ZFYVE27: variants seen among roughly 807,000 people sequenced by gnomAD.
The protein encoded by ZFYVE27 is zinc finger FYVE-type containing 27, also known as protrudin.
A neutral mutation model predicts 52.8 loss-of-function variants in ZFYVE27; 36 were observed. The ratio of observed to expected loss-of-function variants is 0.68; its 90% CI spans 0.52 to 0.90. ZFYVE27 has a LOEUF of 0.90. Among genes scored for constraint, ZFYVE27 ranks in the 40% least tolerant of loss-of-function variants. The probability of loss-of-function intolerance (pLI) is 0.00; values close to 1 mark genes in which losing one functional copy is unlikely to be tolerated. For missense variants in ZFYVE27, 450 were observed against 527.2 expected, an observed-to-expected ratio of 0.85 and a Z score of 1.43; for synonymous variants, 223 against 215.6, an observed-to-expected ratio of 1.03 and a Z score of -0.30.
chr10:97,737,890 G>A (rs2042537009), intron 1 of ZFYVE27, among the ~76,000 whole-genome samples: 1 of 152,190 alleles, frequency 6.6e-6, no homozygotes, highest in Non-Finnish European at 1.5e-5. Context: ...CCTGGAGCAC[G>A]GTATTTCATT....
In ZFYVE27 at chr10:97,753,196, A is replaced by G. The variant is rs1433172803; in HGVS notation, c.1042+14A>G. The G allele has an allele frequency of 6.2e-7, 1 of 1,608,486 alleles. No homozygotes were observed. Among genetic ancestry groups the G allele is most frequent in the South Asian group, 1.1e-5 (1 of 89,890 alleles). ...CCAACAACTTCGGTGCGGCCAGGGG[A>G]CAGGGCTGGGCTGGTGGGGGAGTGG... On this transcript the variant is annotated intron_variant, in intron 10 of 12. Transcript: ENST00000684270.
At chr10:97,751,280 C>T (rs1266849458) in intron 7 of ZFYVE27, 111 bp from the exon 8 acceptor site, 8 of 1,194,418 alleles carry the variant, frequency 6.7e-6, no homozygotes, top group South Asian at 4.9e-5. Flanking sequence ...TGCCATTGTG[C>T]CATTTCGTGG....
In ZFYVE27 at chr10:97,759,276, G is replaced by C; in HGVS notation, c.1212G>C (p.Ser404=). ...AQRETVFVCA[S]CNQTLSK is the part of the protein sequence containing the mutation. ...GGGAGACTGTGTTTGTGTGTGCCTC[G>C]TGTAACCAGACCTTGAGCAAGTGAG... The change falls in exon 13 of 13, where the codon TCG becomes TCC. Residue 404 remains serine (S), a synonymous_variant. Transcript: ENST00000684270. 1 of 1,614,160 alleles carries C rather than the reference G, an allele frequency of 6.2e-7. No homozygotes were observed. Among genetic ancestry groups the C allele is most frequent in the Non-Finnish European group, 8.5e-7 (1 of 1,180,030 alleles).
At chr10:97,750,212 T>TCTTTCCTGTAGTGAAGGAGGGC in intron 6 of ZFYVE27, 119 bp from the exon 7 acceptor site, 1 of 1,308,652 alleles carries the variant, frequency 7.6e-7, no homozygotes, top group Non-Finnish European at 1.1e-6. Context: ...GTTAGGAGGG[T>TCTTTCCTGTAGTGAAGGAGGGC]GACTCTTTCC....
Position 97,759,794 on chromosome 10 carries a change from G to T in ZFYVE27, c.*494G>T. The T allele has an allele frequency of 5.2e-6, 1 of 194,104 alleles. No homozygotes were observed. The highest frequency in any genetic ancestry group is 1.1e-5 in the Non-Finnish European group (1 of 91,232). The allele number at this position is 194,104 out of a possible 1,614,324, so 12.0% of individuals were successfully genotyped here. A position where few individuals can be genotyped will look rare whatever the true frequency, so the allele number is the denominator to read the frequency against. On this transcript the variant is annotated 3_prime_UTR_variant, in exon 13 of 13. Transcript: ENST00000684270. The stretch of plus-strand genomic sequence containing the variant: ...GTGCCACACCCCATCTCTGCTGATT[G>T]AATGTCCCTCCAGGCACCAGGATCT...
intron 2 of ZFYVE27, among the ~76,000 whole-genome samples, chr10:97,742,734 A>G (rs954408679): frequency 6.6e-6 from 1 of 152,242 alleles, no homozygotes; most frequent in Non-Finnish European, 1.5e-5. Context: ...TTATAAAAAA[A>G]GAATAGAGGA....
chr10:97,756,595 C>G (rs2048392824), intron 10 of ZFYVE27, among the ~76,000 whole-genome samples: 1 of 152,208 alleles, frequency 6.6e-6, no homozygotes, highest in Non-Finnish European at 1.5e-5. Context: ...ATTTTCTAAG[C>G]TGCCGTTGCC....
Position 97,757,715 on chromosome 10 carries a change from G to A in ZFYVE27, c.1163G>A (p.Gly388Glu). ...CSFKVPKSSM[G>E]ATAPEAQRET... ...TTCAAGGTGCCCAAGTCCTCCATGG[G>A]GGCCACAGGTGAGTGGTGCAGGTGG... is the stretch of plus-strand genomic sequence containing the variant. Residue 388 changes from glycine (G) to glutamate (E), a missense_variant, in exon 12 of 13, where the codon GGG (glycine) becomes GAG (glutamate). Physicochemically the swap from Gly to Glu is moderately conservative, Grantham distance 98. Coordinates refer to ENST00000684270, the MANE Select transcript of ZFYVE27 (RefSeq NM_001385875.1). 1 of 1,614,220 alleles carries A rather than the reference G, an allele frequency of 6.2e-7. No homozygotes were observed. The highest frequency in any genetic ancestry group is 8.5e-7 in the Non-Finnish European group (1 of 1,180,028).
At chr10:97,738,767 T>C in intron 2 of ZFYVE27, 93 bp downstream of exon 2, 1 of 1,435,444 alleles carries the variant, frequency 7.0e-7, no homozygotes, top group Non-Finnish European at 9.8e-7. Flanking sequence ...GTGGCTGGGC[T>C]GTCCTTTCTG....
intron 4 of ZFYVE27, among the ~76,000 whole-genome samples, chr10:97,747,968 A>G (rs2045924735): frequency 1.3e-5 from 2 of 152,182 alleles, no homozygotes; most frequent in African/African-American, 4.8e-5. Flanking sequence ...TTATAGATAA[A>G]GAAGCCACAG....
intron 10 of ZFYVE27, among the ~76,000 whole-genome samples, chr10:97,755,666 A>G (rs1236424544): frequency 6.6e-6 from 1 of 152,116 alleles, no homozygotes. Flanking sequence ...GGTGGGGGCT[A>G]TTCTATTTAC....
At chr10:97,754,606 C>A in intron 10 of ZFYVE27, 1 of 1,264,894 alleles carries the variant, frequency 7.9e-7, no homozygotes, top group South Asian at 1.3e-5. Context: ...TGAGCCACCA[C>A]GCCCGGCCCC....
In ZFYVE27 at chr10:97,757,265, G is replaced by C. The variant is rs759302342; in HGVS notation, c.1043G>C (p.Gly348Ala). Residue 348 changes from glycine to alanine, a missense_variant and splice_region_variant, in exon 11 of 13, where the codon GGG (glycine) becomes GCG (alanine). Physicochemically the swap from Gly to Ala is moderately conservative, Grantham distance 60 (BLOSUM62 0). Coordinates refer to ENST00000684270, the MANE Select transcript of ZFYVE27 (RefSeq NM_001385875.1). ...TTGAGCTGCTGCCTCTGTTTCTCAG[G>C]GAACTGCACGGGCTGCTCGGCCACC... ...LRKRYPTNNF[G>A]NCTGCSATFS... 6.2e-6 allele frequency: 10 copies of C among 1,614,036 alleles called. No individual in the cohort carries two copies. The African/African-American group carries it at 1.2e-4, about 19-fold the overall frequency.
intron 2 of ZFYVE27, among the ~76,000 whole-genome samples, chr10:97,740,033 C>T (rs1171898725): frequency 6.6e-6 from 1 of 152,092 alleles, no homozygotes; most frequent in African/African-American, 2.4e-5. Context: ...TCCCCTGAAA[C>T]TGCATGTAAA....
At chr10:97,757,071 T>G in intron 10 of ZFYVE27, 194 bp from the exon 11 acceptor site, 1 of 664,464 alleles carries the variant, frequency 1.5e-6, no homozygotes, top group Non-Finnish European at 2.6e-6. Flanking sequence ...GAGACATCAG[T>G]CCTCAGGGGC....
At chr10:97,751,978 C>G (rs1245569634) in intron 8 of ZFYVE27, among the ~76,000 whole-genome samples, 1 of 152,180 alleles carries the variant, frequency 6.6e-6, no homozygotes, top group Non-Finnish European at 1.5e-5. Context: ...TGCAAAGTTT[C>G]AAAATAATTT....
At chr10:97,757,491 G>A in intron 11 of ZFYVE27, 151 bp from the exon 12 acceptor site, 1 of 1,220,810 alleles carries the variant, frequency 8.2e-7, no homozygotes, top group Non-Finnish European at 1.2e-6. Context: ...CTCCCCAGGG[G>A]GTATTCCATT....
intron 10 of ZFYVE27, among the ~76,000 whole-genome samples, chr10:97,753,868 C>T (rs941390619): frequency 6.6e-6 from 1 of 152,196 alleles, no homozygotes; most frequent in Non-Finnish European, 1.5e-5. Flanking sequence ...GTTCACCTCT[C>T]CCCAGCCAGT....
In ZFYVE27 at chr10:97,760,133, C is replaced by T. The variant is rs1422091583; in HGVS notation, c.*833C>T. 6.6e-6 allele frequency: 1 copy of T among 152,350 alleles called. No individual in the cohort carries two copies. Among genetic ancestry groups the T allele is most frequent in the Non-Finnish European group, 1.5e-5 (1 of 68,134 alleles). 9.4% of individuals were successfully genotyped at this position (152,350 alleles called of 1,614,324 possible). A position where few individuals can be genotyped will look rare whatever the true frequency, so the allele number is the denominator to read the frequency against. On this transcript the variant is annotated 3_prime_UTR_variant, in exon 13 of 13. Transcript: ENST00000684270. Reference sequence around the variant, plus strand: ...TCTGTCCAGAGTCTAGGGCAGTCCTCCACTGGCCCAGCACTCCAGTTTCCT... The same window carrying T: ...TCTGTCCAGAGTCTAGGGCAGTCCTTCACTGGCCCAGCACTCCAGTTTCCT...
Sources: allele counts gnomAD v4.1 joint callset (sites outside exome capture counted in the v4.1 genomes callset), GRCh38; gene constraint gnomAD v4.1.1; transcripts MANE v1.5; gene names NCBI Gene and HGNC (gene_info 2026-07-23, HGNC 2026-07-21).